Variants in RPTOR observed in about 807,000 individuals in gnomAD.
RPTOR encodes regulatory-associated protein of mTOR.
In RPTOR, 21 loss-of-function variants were observed where a neutral mutation model predicts 169.9. The ratio of observed to expected loss-of-function variants is 0.12; its 90% CI spans 0.09 to 0.18. RPTOR has a LOEUF of 0.18. Among genes scored for constraint, RPTOR ranks in the 10% least tolerant of loss-of-function variants. RPTOR has a pLI of 1.00. For missense variants in RPTOR, 1,133 were observed against 1,855.9 expected (o/e 0.61, Z 7.16); for synonymous variants, 732 against 753.2 (o/e 0.97, Z 0.46).
At chr17:80,648,187 T>G (rs555621022) in intron 3 of RPTOR, among the ~76,000 whole-genome samples, 2 of 152,276 alleles carry the variant, frequency 1.3e-5, no homozygotes. Context: ...GTTGTTTGTG[T>G]GCTTTTATGA....
rs12942789 is a variant in RPTOR at position 80,562,364 on chromosome 17, G to A, written c.162+16573G>A. 0.015 allele frequency among the ~76,000 whole-genome samples: 2,348 copies of A among 152,256 alleles called. 23 individuals are homozygous for A. The highest frequency in any genetic ancestry group is 0.031 in the Middle Eastern group (9 of 294). ...TTGTGCCCCTCAGTGTGTGGCCTTC[G>A]TTTACCCCTGCTTCCCCTCACTCCC... On this transcript the variant is annotated intron_variant, in intron 1 of 33. Transcript: ENST00000306801. This position sits in a 1 kb window ranked among gnomAD's most constrained non-coding sequence, Gnocchi z 4.4.
At chr17:80,856,941 G>C (rs762883206) in intron 12 of RPTOR, among the ~76,000 whole-genome samples, 12 of 152,172 alleles carry the variant, frequency 7.9e-5, no homozygotes, top group Non-Finnish European at 1.6e-4. Context: ...CAGAGAAACT[G>C]CTCATACCTT....
In RPTOR at chr17:80,964,195, G is replaced by GC. The variant is rs370699322; in HGVS notation, c.3940-60dup. 2.2e-4 allele frequency: 239 copies of GC among 1,105,580 alleles called. 2 individuals carry two copies. The highest frequency in any genetic ancestry group is 5.9e-4 in the Middle Eastern group (3 of 5,112). The allele number at this position is 1,105,580 out of a possible 1,614,324, so 68.5% of individuals were successfully genotyped here. A position where few individuals can be genotyped will look rare whatever the true frequency, so the allele number is the denominator to read the frequency against. ...TGCCTAAGGATGCGGGTTGGCCTGC[G>GC]CCCCCCCGCCCCCCGCAGTGTCTGC... On this transcript the variant is annotated intron_variant, in intron 33 of 33. Transcript: ENST00000306801.
intron 10 of RPTOR, among the ~76,000 whole-genome samples, chr17:80,841,637 C>T (rs1306525987): frequency 7.1e-6 from 1 of 140,834 alleles, no homozygotes; most frequent in Non-Finnish European, 1.5e-5. Flanking sequence ...GCAGCTGACA[C>T]TCACCACACG....
At chr17:80,838,507 G>A (rs765979399) in intron 10 of RPTOR, among the ~76,000 whole-genome samples, 8 of 152,322 alleles carry the variant, frequency 5.3e-5, no homozygotes, top group Non-Finnish European at 1.0e-4. Context: ...GGGCCTTCGC[G>A]GCAGCTCCCT....
rs2068213426 is a variant in RPTOR at position 80,883,961 on chromosome 17, C to T, written c.1831C>T (p.Pro611Ser). ...HEKLYSLLSD[P>S]IPEVRCAAVF... Reference sequence around the variant, plus strand: ...GAAGCTCTACAGCCTCCTCTCCGACCCCATTCCCGAGGTGAGTCAGGCGGG... The same window carrying T: ...GAAGCTCTACAGCCTCCTCTCCGACTCCATTCCCGAGGTGAGTCAGGCGGG... Residue 611 changes from proline to serine, a missense_variant, in exon 16 of 34, where the codon CCC (proline) becomes TCC (serine). Coordinates refer to ENST00000306801, the MANE Select transcript of RPTOR (RefSeq NM_020761.3). 6.2e-7 allele frequency: 1 copy of T among 1,609,844 alleles called. No individual in the cohort carries two copies. The highest frequency in any genetic ancestry group is 8.5e-7 in the Non-Finnish European group (1 of 1,177,610).
chr17:80,748,053 C>T (rs2066593871), intron 5 of RPTOR, among the ~76,000 whole-genome samples: 2 of 113,854 alleles, frequency 1.8e-5, no homozygotes, highest in Admixed American at 1.7e-4. Flanking sequence ...GGCGGGAGGA[C>T]CTGTTGGGTG....
chr17:80,619,236 G>A (rs868619141), intron 1 of RPTOR, among the ~76,000 whole-genome samples: 6 of 152,078 alleles, frequency 3.9e-5, no homozygotes, highest in Non-Finnish European at 7.4e-5. Context: ...GATGTTGGGA[G>A]GATAAGTGTG....
chr17:80,713,511 G>A (rs2066214038), intron 4 of RPTOR, among the ~76,000 whole-genome samples: 2 of 152,092 alleles, frequency 1.3e-5, no homozygotes, highest in African/African-American at 2.4e-5. Context: ...TTTTTCACAA[G>A]TTTTTGTCAA....
intron 1 of RPTOR, among the ~76,000 whole-genome samples, chr17:80,575,601 A>G (rs1248900872): frequency 6.6e-6 from 1 of 152,116 alleles, no homozygotes; most frequent in East Asian, 1.9e-4. Context: ...CACGCTTGGA[A>G]TTTCAGCTGC....
chr17:80,961,587 CG>C, intron 31 of RPTOR, 107 bp downstream of exon 31: 1 of 1,260,368 alleles, frequency 7.9e-7, no homozygotes, highest in South Asian at 1.4e-5. Context: ...GATGGCATTT[CG>C]GGCAGTAATT....
At chr17:80,665,478 C>A (rs2065766699) in intron 3 of RPTOR, among the ~76,000 whole-genome samples, 1 of 40,638 alleles carries the variant, frequency 2.5e-5, no homozygotes, top group African/African-American at 2.9e-4. Context: ...CTTTCCTTTC[C>A]TTTCCTTTCC....
intron 1 of RPTOR, among the ~76,000 whole-genome samples, chr17:80,574,898 C>G (rs925875076): frequency 7.1e-6 from 1 of 141,202 alleles, no homozygotes; most frequent in Non-Finnish European, 1.5e-5. Context: ...TCCTTGGCCT[C>G]GAGTGATCCT....
chr17:80,683,427 G>T (rs1256492777), intron 3 of RPTOR, among the ~76,000 whole-genome samples: 1 of 152,124 alleles, frequency 6.6e-6, no homozygotes, highest in Non-Finnish European at 1.5e-5. Flanking sequence ...TTTTGACCTT[G>T]ATTAAGATGG....
Position 80,959,161 on chromosome 17 carries a change from C to T in RPTOR, c.3478-917C>T, listed in dbSNP as rs551990777. Reference sequence around the variant, plus strand: ...CAGGCCTTCCCGTGTGGGCAGCCTCCCCTCTGACGTGACCGTGGATCCCTC... The same window carrying T: ...CAGGCCTTCCCGTGTGGGCAGCCTCTCCTCTGACGTGACCGTGGATCCCTC... On this transcript the variant is annotated intron_variant, in intron 29 of 33. Coordinates refer to ENST00000306801, the MANE Select transcript of RPTOR (RefSeq NM_020761.3). This position sits in a 1 kb window ranked among gnomAD's most constrained non-coding sequence, Gnocchi z 6.7. Among the ~76,000 whole-genome samples the T allele has an allele frequency of 6.6e-6, 1 of 152,362 alleles. No individual in the cohort carries two copies. Among genetic ancestry groups the T allele is most frequent in the Non-Finnish European group, 1.5e-5 (1 of 68,044 alleles).
chr17:80,548,116 C>G (rs1364403185), intron 1 of RPTOR, among the ~76,000 whole-genome samples: 2 of 125,904 alleles, frequency 1.6e-5, no homozygotes, highest in Non-Finnish European at 3.2e-5. Flanking sequence ...GGGTCTTGCT[C>G]TGTCATCCAG....
intron 7 of RPTOR, among the ~76,000 whole-genome samples, chr17:80,796,934 TC>T (rs78918080): frequency 1.3e-5 from 2 of 152,342 alleles, no homozygotes; most frequent in East Asian, 3.9e-4. Context: ...GAAATCCAGA[TC>T]TTTGCTCCAA....
intron 1 of RPTOR, among the ~76,000 whole-genome samples, chr17:80,597,289 AGGGTGTTCACAGAGATTTT>A (rs1215795999): frequency 6.6e-6 from 1 of 152,080 alleles, no homozygotes; most frequent in African/African-American, 2.4e-5. Flanking sequence ...GAGTTTAGGG[AGGGTGTTCACAGAGATTTT>A]GAGAGGAAAC....
chr17:80,677,546 C>T (rs1190221045), intron 3 of RPTOR, among the ~76,000 whole-genome samples: 1 of 152,078 alleles, frequency 6.6e-6, no homozygotes, highest in East Asian at 1.9e-4. Flanking sequence ...TCCAGCCTCA[C>T]CTCCCACCAG....
Sources: gnomAD v4.1 joint callset for allele counts (sites outside exome capture counted in the v4.1 genomes callset) on GRCh38, gnomAD v4.1.1 for gene constraint, Gnocchi (gnomAD v3.1) non-coding constraint, MANE v1.5 for transcripts, NCBI Gene and HGNC (gene_info 2026-07-23, HGNC 2026-07-21) for gene names.